The following RABGAP1L variants were observed in gnomAD, a reference collection of about 807,000 sequenced individuals.
RABGAP1L encodes RAB GTPase activating protein 1 like.
Under a neutral mutation model 137.7 loss-of-function variants are expected in RABGAP1L, and 63 were observed. The ratio of observed to expected loss-of-function variants is 0.46; its 90% confidence interval spans 0.37 to 0.56. The LOEUF (loss-of-function observed/expected upper bound fraction) is 0.56. RABGAP1L is among the 20% of genes least tolerant of loss of function. RABGAP1L has a pLI of 0.00. For missense variants in RABGAP1L, 1,095 were observed against 1,244.0 expected (o/e 0.88, Z 1.80); for synonymous variants, 431 against 433.7 (o/e 0.99, Z 0.08).
At chr1:174,628,019 G>C (rs1673046887) in intron 13 of RABGAP1L, among the ~76,000 whole-genome samples, 2 of 152,130 alleles carry the variant, frequency 1.3e-5, no homozygotes, top group South Asian at 4.1e-4. Flanking sequence ...AATGGTGACT[G>C]CTCTGGCAAA....
At chr1:174,687,607 G>A (rs771037451) in intron 15 of RABGAP1L, among the ~76,000 whole-genome samples, 2 of 152,108 alleles carry the variant, frequency 1.3e-5, no homozygotes, top group African/African-American at 2.4e-5. Flanking sequence ...ACAAATAGAA[G>A]AATACGGACT....
chr1:174,781,997 C>A (rs549039861), intron 18 of RABGAP1L, among the ~76,000 whole-genome samples: 2 of 152,238 alleles, frequency 1.3e-5, no homozygotes, highest in South Asian at 4.1e-4. Context: ...AGTAAGGTAG[C>A]GTGATGCCTC....
intron 13 of RABGAP1L, among the ~76,000 whole-genome samples, chr1:174,544,667 G>A (rs1665836379): frequency 6.6e-6 from 1 of 152,168 alleles, no homozygotes; most frequent in Non-Finnish European, 1.5e-5. Context: ...ATACTTTGGA[G>A]GAGAAGAGGC....
At chr1:174,487,967 CTTA>C (rs967141257) in intron 13 of RABGAP1L, among the ~76,000 whole-genome samples, 21 of 152,198 alleles carry the variant, frequency 1.4e-4, no homozygotes, top group African/African-American at 5.1e-4. Flanking sequence ...CTATTTATAT[CTTA>C]TTATACTGCC....
chr1:174,377,222 T>C (rs1371315585), intron 12 of RABGAP1L, among the ~76,000 whole-genome samples: 1 of 126,286 alleles, frequency 7.9e-6, no homozygotes, highest in Non-Finnish European at 1.9e-5. Flanking sequence ...TAAATGAAGA[T>C]ATATGCTATG....
At chr1:174,613,481 G>A (rs541956425) in intron 13 of RABGAP1L, among the ~76,000 whole-genome samples, 1 of 152,236 alleles carries the variant, frequency 6.6e-6, no homozygotes, top group East Asian at 1.9e-4. Flanking sequence ...TTCCAACTAT[G>A]TGGTCAATTT....
intron 12 of RABGAP1L, among the ~76,000 whole-genome samples, chr1:174,375,354 A>G (rs1455221914): frequency 6.6e-6 from 1 of 151,904 alleles, no homozygotes; most frequent in Non-Finnish European, 1.5e-5. Context: ...AAGCAGAAGC[A>G]AGGAAATAAG....
At chr1:174,625,555 A>G (rs1370386144) in intron 13 of RABGAP1L, among the ~76,000 whole-genome samples, 1 of 151,946 alleles carries the variant, frequency 6.6e-6, no homozygotes, top group Non-Finnish European at 1.5e-5. Context: ...ATCTCAGCCT[A>G]CCAAGGTGCT....
At chr1:174,187,601 GT>G (rs1571437428) in intron 1 of RABGAP1L, among the ~76,000 whole-genome samples, 2 of 152,018 alleles carry the variant, frequency 1.3e-5, no homozygotes, top group African/African-American at 4.8e-5. Flanking sequence ...ATTTAAAAAA[GT>G]TTTCAGATGC....
chr1:174,350,768 G>A (rs1387722183), intron 11 of RABGAP1L, among the ~76,000 whole-genome samples: 3 of 45,206 alleles, frequency 6.6e-5, no homozygotes, highest in Non-Finnish European at 1.3e-4. Flanking sequence ...GTAGTGAGCC[G>A]AGATCACGCC....
intron 14 of RABGAP1L, among the ~76,000 whole-genome samples, chr1:174,650,083 T>G (rs1332116761): frequency 6.6e-6 from 1 of 152,190 alleles, no homozygotes; most frequent in South Asian, 2.1e-4. Context: ...CTGCATCTAT[T>G]GAGATAATCA....
At position 174,938,455 on chromosome 1, in the gene RABGAP1L, G is replaced by A. The variant is rs540660293; in HGVS notation, c.2341-19002G>A. ...ACTTTTTCCACACCCACCATTTGGA[G>A]GAAGTTTGTGACAGAGTGAGTTGAT... On this transcript the variant is annotated intron_variant, in intron 19 of 25. Transcript: ENST00000681986. The A allele has an allele frequency of 3.9e-5, 6 of 152,302 alleles. No homozygotes were observed. In the South Asian group the frequency reaches 1.2e-3, roughly 32 times the overall value. The allele number at this position is 152,302 out of a possible 1,614,324, so 9.4% of individuals were successfully genotyped here.
chr1:174,186,002 G>A (rs1213271060), intron 1 of RABGAP1L, among the ~76,000 whole-genome samples: 1 of 152,134 alleles, frequency 6.6e-6, no homozygotes, highest in African/African-American at 2.4e-5. Flanking sequence ...AATTAGCCAG[G>A]AGTGGTGGTG....
chr1:174,950,457 A>G (rs1042748185), intron 19 of RABGAP1L, among the ~76,000 whole-genome samples: 1 of 152,322 alleles, frequency 6.6e-6, no homozygotes, highest in East Asian at 1.9e-4. Context: ...AGTGAAGCCT[A>G]TAGGGCGTGT....
At position 174,547,860 on chromosome 1, in the gene RABGAP1L, ACCGAG is replaced by A. The variant is rs1193859138; in HGVS notation, c.1711-89514_1711-89510del. 3 of 1,538,304 alleles carry A rather than the reference ACCGAG, an allele frequency of 2.0e-6. No individual in the cohort carries two copies. In the East Asian group the frequency reaches 7.3e-5, roughly 38 times the overall value. On this transcript the variant is annotated intron_variant, in intron 13 of 25. Transcript: ENST00000681986. ...AGCAACAGATGAAATTTAGTCTTAC[ACCGAG>A]ACAGACTATTCACCTAGTTAAATAT...
At chr1:174,349,758 CG>C (rs1261140567) in intron 11 of RABGAP1L, among the ~76,000 whole-genome samples, 5 of 135,244 alleles carry the variant, frequency 3.7e-5, no homozygotes, top group African/African-American at 1.3e-4. Flanking sequence ...CCCTCCCAGA[CG>C]GGGCGGCTGG....
chr1:174,486,223 C>CTTTTTTTTTTTTTTTT (rs201692363), intron 13 of RABGAP1L, among the ~76,000 whole-genome samples: 2 of 119,876 alleles, frequency 1.7e-5, no homozygotes, highest in Non-Finnish European at 3.5e-5. Context: ...GTTCTTTTTT[C>CTTTTTTTTTTTTTTTT]TTTTTTTTTT....
intron 19 of RABGAP1L, among the ~76,000 whole-genome samples, chr1:174,824,311 A>G (rs748571837): frequency 2.0e-5 from 3 of 151,734 alleles, no homozygotes; most frequent in Non-Finnish European, 4.4e-5. Flanking sequence ...ATAGATATAG[A>G]TATATACATA....
At chr1:174,369,973 A>T (rs1027489669) in intron 11 of RABGAP1L, among the ~76,000 whole-genome samples, 2 of 152,222 alleles carry the variant, frequency 1.3e-5, no homozygotes, top group Non-Finnish European at 2.9e-5. Flanking sequence ...TAATGTTTTA[A>T]CCTGGCCAAA....
Sources: allele counts gnomAD v4.1 joint callset (sites outside exome capture counted in the v4.1 genomes callset), GRCh38; gene constraint gnomAD v4.1.1; transcripts MANE v1.5; gene names NCBI Gene and HGNC (gene_info 2026-07-23, HGNC 2026-07-21).